Variants in GPATCH8 observed in about 807,000 individuals in gnomAD.
GPATCH8 encodes the protein G patch domain-containing protein 8.
GPATCH8 carries 18 observed loss-of-function variants against 118.3 expected under a neutral mutation model. The ratio of observed to expected loss-of-function variants is 0.15; its 90% CI spans 0.11 to 0.23. GPATCH8 has a LOEUF of 0.23. Among genes scored for constraint, GPATCH8 ranks in the 10% least tolerant of loss-of-function variants. GPATCH8 has a pLI of 1.00. For synonymous variants in GPATCH8, 659 were observed against 684.7 expected (o/e 0.96, Z 0.59); for missense variants, 1,631 against 1,873.8 (o/e 0.87, Z 2.39).
intron 3 of GPATCH8, among the ~76,000 whole-genome samples, chr17:44,461,182 A>G (rs1476277362): frequency 2.0e-5 from 3 of 151,992 alleles, no homozygotes; most frequent in Non-Finnish European, 2.9e-5. Flanking sequence ...ATTTTATTTT[A>G]TTTATTTATT....
chr17:44,430,472 A>G (rs915171751), intron 5 of GPATCH8, among the ~76,000 whole-genome samples: 1 of 152,192 alleles, frequency 6.6e-6, no homozygotes, highest in Admixed American at 6.5e-5. Flanking sequence ...AGCATTTGAC[A>G]AAACCCAATA....
In GPATCH8 at chr17:44,489,735, T is replaced by C. The variant is rs536177426; in HGVS notation, c.45+13591A>G. ...CCCAAGGGCACAACTATAATAATAG[T>C]AGTAGTAATGATGACAATGATAGTA... On this transcript the variant is annotated intron_variant, in intron 1 of 7. Transcript: ENST00000591680. 7.2e-5 allele frequency among the ~76,000 whole-genome samples: 11 copies of C among 152,258 alleles called. No individual in the cohort carries two copies. The East Asian group carries it at 2.1e-3, about 29-fold the overall frequency.
chr17:44,470,990 A>G (rs751805338), intron 2 of GPATCH8, among the ~76,000 whole-genome samples: 1 of 152,238 alleles, frequency 6.6e-6, no homozygotes, highest in Non-Finnish European at 1.5e-5. Context: ...AATATCTCAT[A>G]AAGCAATAAC....
At chr17:44,467,654 C>T (rs909286168) in intron 2 of GPATCH8, among the ~76,000 whole-genome samples, 1 of 152,142 alleles carries the variant, frequency 6.6e-6, no homozygotes, top group Non-Finnish European at 1.5e-5. Flanking sequence ...AAAAACTGGA[C>T]CTTTCCTATC....
At chr17:44,468,189 TCTCAAA>T (rs1043394162) in intron 2 of GPATCH8, among the ~76,000 whole-genome samples, 1 of 151,574 alleles carries the variant, frequency 6.6e-6, no homozygotes, top group Non-Finnish European at 1.5e-5. Context: ...GCCAGGCTGG[TCTCAAA>T]CTCCTGACCT....
In GPATCH8 at chr17:44,436,803, C is replaced by T. The variant is rs192954340; in HGVS notation, c.194-258G>A. 6.4e-5 allele frequency: 33 copies of T among 515,394 alleles called. No homozygotes were observed. In the East Asian group the frequency reaches 8.3e-4, roughly 13 times the overall value. The allele number at this position is 515,394 out of a possible 1,614,324, so 31.9% of individuals were successfully genotyped here. ...GGCAAAATTACATTAATAAGTAATG[C>T]AAAGCACTTTTAAGCAATGGCATCA... is the stretch of plus-strand genomic sequence containing the variant. On this transcript the variant is annotated intron_variant, in intron 3 of 7. Transcript: ENST00000591680.
At chr17:44,437,842 C>A in intron 3 of GPATCH8, among the ~76,000 whole-genome samples, 1 of 150,668 alleles carries the variant, frequency 6.6e-6, no homozygotes, top group Middle Eastern at 3.5e-3. Flanking sequence ...CTTATGTATC[C>A]TATTATTGTT....
intron 3 of GPATCH8, among the ~76,000 whole-genome samples, chr17:44,437,187 G>T (rs1279545872): frequency 6.6e-6 from 1 of 152,100 alleles, no homozygotes; most frequent in African/African-American, 2.4e-5. Context: ...CTTTTAATCT[G>T]GTGCTCTAAA....
chr17:44,431,378 G>GA (rs776468380), intron 5 of GPATCH8, among the ~76,000 whole-genome samples: 3,381 of 47,594 alleles, frequency 0.071, 54 homozygotes, highest in East Asian at 0.16. Flanking sequence ...TCTCAAAAAG[G>GA]AAAAAAAAAA....
chr17:44,459,805 T>G (rs1312966391), intron 3 of GPATCH8, among the ~76,000 whole-genome samples: 1 of 152,140 alleles, frequency 6.6e-6, no homozygotes, highest in Non-Finnish European at 1.5e-5. Flanking sequence ...CTACTCTCCA[T>G]GTCTTAGGGT....
In GPATCH8 at chr17:44,398,239, G is replaced by A. The variant is rs765286148; in HGVS notation, c.3838C>T (p.Pro1280Ser). ...LPIAPDLEHF[P>S]SYAPPSGDPS... ...TCCCCACTGGGAGGTGCATAACTGG[G>A]GAAATGCTCAAGGTCTGGTGCTATA... is the stretch of plus-strand genomic sequence containing the variant. The change falls in exon 8 of 8, where the codon CCC (proline) becomes TCC (serine). Residue 1280 changes from proline to serine, a missense_variant. By Grantham distance (74) the Pro-to-Ser change is moderately conservative. Coordinates refer to ENST00000591680, the MANE Select transcript of GPATCH8 (RefSeq NM_001002909.4). The A allele has an allele frequency of 6.2e-7, 1 of 1,612,898 alleles. No homozygotes were observed. The highest frequency in any genetic ancestry group is 1.1e-5 in the South Asian group (1 of 91,020).
rs143308864 is a variant in GPATCH8, at chr17:44,399,615, T to A, written c.2462A>T (p.Asp821Val). Residue 821 changes from aspartate to valine, a missense_variant, in exon 8 of 8, where the codon GAT becomes GTT. This residue lies in a region of GPATCH8 where 922 missense variants were observed against 879.7 expected (regional missense o/e 1.05). Coordinates refer to ENST00000591680, the MANE Select transcript of GPATCH8 (RefSeq NM_001002909.4). Reference protein sequence around the residue: ...SQPSSGDEDSDDASSHRLHQK... With the variant: ...SQPSSGDEDSVDASSHRLHQK... The stretch of plus-strand genomic sequence containing the variant: ...GTGCAGCCGGTGTGAGGAAGCATCA[T>A]CACTATCCTCATCTCCACTACTGGG... 1 of 1,614,168 alleles carries A rather than the reference T, an allele frequency of 6.2e-7. No homozygotes were observed. Among genetic ancestry groups the A allele is most frequent in the Non-Finnish European group, 8.5e-7 (1 of 1,180,004 alleles).
chr17:44,467,166 T>A, intron 2 of GPATCH8: 1 of 817,922 alleles, frequency 1.2e-6, no homozygotes, highest in Non-Finnish European at 1.7e-6. Context: ...GTCCAATCAC[T>A]AATGGTCGTT....
At chr17:44,428,444 G>A (rs752330603) in intron 5 of GPATCH8, among the ~76,000 whole-genome samples, 8 of 151,622 alleles carry the variant, frequency 5.3e-5, no homozygotes, top group Non-Finnish European at 1.0e-4. Context: ...AATAAGCTGA[G>A]ATCGCACCAT....
intron 2 of GPATCH8, among the ~76,000 whole-genome samples, chr17:44,469,298 C>T (rs1000306524): frequency 1.2e-4 from 18 of 152,158 alleles, no homozygotes; most frequent in African/African-American, 4.3e-4. Flanking sequence ...CATTCCTCAA[C>T]ATTTTATTAA....
In GPATCH8 at chr17:44,424,440, GCT is replaced by G; in HGVS notation, c.399_400del (p.Arg133SerfsTer6). ...ATCACACAGTTCACAATAAAAGTTG[GCT>G]CTGAGGTCTTCCAAGGCTTTGGCAA... On this transcript the variant is annotated frameshift_variant, in exon 6 of 8. Coordinates refer to ENST00000591680, the MANE Select transcript of GPATCH8 (RefSeq NM_001002909.4). LOFTEE classifies it high-confidence loss of function. The G allele has an allele frequency of 6.2e-7, 1 of 1,602,018 alleles. No homozygotes were observed. The highest frequency in any genetic ancestry group is 8.6e-7 in the Non-Finnish European group (1 of 1,169,008).
chr17:44,474,282 A>G (rs1319922539), intron 2 of GPATCH8: 1 of 163,178 alleles, frequency 6.1e-6, no homozygotes, highest in Non-Finnish European at 1.3e-5. Flanking sequence ...TCCAAAACTA[A>G]GCAGTGTGAA....
chr17:44,448,005 G>A (rs1009569133), intron 3 of GPATCH8, among the ~76,000 whole-genome samples: 3 of 151,998 alleles, frequency 2.0e-5, no homozygotes, highest in South Asian at 2.1e-4. Flanking sequence ...GTACAGTGGC[G>A]TGATCTCAGC....
intron 6 of GPATCH8, among the ~76,000 whole-genome samples, chr17:44,411,525 A>AT (rs1321594763): frequency 7.9e-5 from 12 of 152,062 alleles, no homozygotes; most frequent in Admixed American, 5.9e-4. Context: ...AATAAAACCC[A>AT]TTTTTCTCAT....
Sources: allele counts gnomAD v4.1 joint callset (sites outside exome capture counted in the v4.1 genomes callset), GRCh38; gene constraint gnomAD v4.1.1; regional missense constraint gnomAD v4.1.1; transcripts MANE v1.5; gene names NCBI Gene and HGNC (gene_info 2026-07-23, HGNC 2026-07-21).